Variants in NTM observed in about 807,000 individuals in gnomAD.
NTM encodes the protein IgLON family member 2.
In NTM, 13 loss-of-function variants were observed where a neutral mutation model predicts 42.1. The ratio of observed to expected loss-of-function variants is 0.31; its 90% confidence interval spans 0.20 to 0.49. The LOEUF (loss-of-function observed/expected upper bound fraction) is 0.49, where lower values mean the gene tolerates loss of function less well. NTM is among the 20% of genes least tolerant of loss of function. NTM has a pLI of 0.99. For missense variants in NTM, 373 were observed against 452.8 expected, an observed-to-expected ratio of 0.82 and a Z score of 1.60; for synonymous variants, 187 against 179.2, an observed-to-expected ratio of 1.04 and a Z score of -0.35.
At chr11:132,211,287 T>C (rs1433795031) in intron 3 of NTM, among the ~76,000 whole-genome samples, 1 of 152,134 alleles carries the variant, frequency 6.6e-6, no homozygotes, top group Non-Finnish European at 1.5e-5. Context: ...ATGCCTGCAG[T>C]CCCAGCTACT....
At chr11:132,083,260 AGCTTT>A (rs2059310705) in intron 2 of NTM, among the ~76,000 whole-genome samples, 1 of 152,264 alleles carries the variant, frequency 6.6e-6, no homozygotes, top group African/African-American at 2.4e-5. Flanking sequence ...ATCTATGATT[AGCTTT>A]GAAACAGAAT....
At chr11:131,531,121 A>G (rs982057664) in intron 1 of NTM, among the ~76,000 whole-genome samples, 9 of 152,244 alleles carry the variant, frequency 5.9e-5, no homozygotes, top group South Asian at 4.1e-4. Context: ...CCAAGGCTCC[A>G]CTGCCAGACC....
At chr11:132,256,958 T>C (rs1400868177) in intron 4 of NTM, among the ~76,000 whole-genome samples, 1 of 152,180 alleles carries the variant, frequency 6.6e-6, no homozygotes, top group Non-Finnish European at 1.5e-5. Flanking sequence ...CAGCAAATTA[T>C]TTAAACACTA....
At chr11:131,847,939 G>C (rs1046340347) in intron 1 of NTM, among the ~76,000 whole-genome samples, 1 of 152,054 alleles carries the variant, frequency 6.6e-6, no homozygotes, top group African/African-American at 2.4e-5. Flanking sequence ...AATGTATTCT[G>C]TTTGTATGTC....
intron 1 of NTM, among the ~76,000 whole-genome samples, chr11:131,412,344 T>C (rs973411386): frequency 1.3e-5 from 2 of 152,130 alleles, no homozygotes; most frequent in African/African-American, 4.8e-5. Context: ...GGCATTTCAG[T>C]TCCATGGAAA....
intron 2 of NTM, among the ~76,000 whole-genome samples, chr11:132,069,013 C>T (rs2056945998): frequency 6.6e-6 from 1 of 152,272 alleles, no homozygotes. Flanking sequence ...GATTGACTAA[C>T]TGGGCATTGC....
intron 6 of NTM, among the ~76,000 whole-genome samples, chr11:132,311,322 C>G (rs2136103931): frequency 6.6e-6 from 1 of 152,124 alleles, no homozygotes; most frequent in Middle Eastern, 3.4e-3. Flanking sequence ...ATAATCCTCC[C>G]AAATGAAAAG....
intron 1 of NTM, among the ~76,000 whole-genome samples, chr11:131,723,459 G>A (rs549194875): frequency 6.6e-6 from 1 of 152,296 alleles, no homozygotes; most frequent in Admixed American, 6.5e-5. Flanking sequence ...TGTTAAACAC[G>A]TAGCAAATAA....
At chr11:131,556,513 C>G (rs771280236) in intron 1 of NTM, among the ~76,000 whole-genome samples, 6 of 151,764 alleles carry the variant, frequency 4.0e-5, no homozygotes, top group Non-Finnish European at 7.4e-5. Flanking sequence ...TTCTGTGCCT[C>G]AGTATTCTGC....
intron 1 of NTM, among the ~76,000 whole-genome samples, chr11:131,549,973 G>A (rs112297421): frequency 0.029 from 4,359 of 152,188 alleles, 205 homozygotes; most frequent in African/African-American, 0.099. Flanking sequence ...TGCATTTCAC[G>A]TCCTGCAGGG....
chr11:131,890,868 A>T (rs2051220080), intron 1 of NTM, among the ~76,000 whole-genome samples: 1 of 152,180 alleles, frequency 6.6e-6, no homozygotes, highest in South Asian at 2.1e-4. Context: ...TGACAGTGGG[A>T]TGGCAGGTCT....
At chr11:131,502,020 A>C (rs2046896991) in intron 1 of NTM, among the ~76,000 whole-genome samples, 1 of 152,126 alleles carries the variant, frequency 6.6e-6, no homozygotes, top group South Asian at 2.1e-4. Flanking sequence ...TTTGGAGTTC[A>C]AGGGAATGGT....
chr11:131,406,366 G>T, intron 1 of NTM, among the ~76,000 whole-genome samples: 1 of 152,032 alleles, frequency 6.6e-6, no homozygotes, highest in East Asian at 1.9e-4. Context: ...TAATTTAGTG[G>T]CCATATTAAA....
chr11:131,525,764 G>T (rs564546302), intron 1 of NTM, among the ~76,000 whole-genome samples: 8 of 152,134 alleles, frequency 5.3e-5, no homozygotes, highest in Non-Finnish European at 1.2e-4. Context: ...CTTTGGCAAG[G>T]TAATTAATCT....
intron 1 of NTM, among the ~76,000 whole-genome samples, chr11:131,528,734 A>G (rs1415696090): frequency 6.6e-6 from 1 of 152,162 alleles, no homozygotes; most frequent in Admixed American, 6.5e-5. Flanking sequence ...GTATTTAATA[A>G]ATGCATGCTA....
intron 2 of NTM, among the ~76,000 whole-genome samples, chr11:131,959,948 A>G (rs1274326424): frequency 2.0e-5 from 3 of 152,226 alleles, no homozygotes; most frequent in Non-Finnish European, 4.4e-5. Context: ...GCATGAATGC[A>G]GGTACAACAG....
intron 4 of NTM, among the ~76,000 whole-genome samples, chr11:132,233,426 T>G (rs1425978160): frequency 2.6e-5 from 4 of 152,178 alleles, no homozygotes; most frequent in Non-Finnish European, 5.9e-5. Flanking sequence ...CAGTGTTGAC[T>G]CTTATTGTCT....
rs557450355 is a variant in NTM, at chr11:131,381,237, T to G, written c.82+10349T>G. ...AAATGACTGGATGAATTCATCTAGT[T>G]GGAGAAGGTGAAGTGGTCCAGTGTT... On this transcript the variant is annotated intron_variant, in intron 1 of 8. Coordinates refer to ENST00000683400, the MANE Select transcript of NTM (RefSeq NM_001352005.2). Among the ~76,000 whole-genome samples the G allele has an allele frequency of 1.1e-4, 16 of 152,278 alleles. 1 individual carries two copies. The South Asian group carries it at 3.3e-3, about 32-fold the overall frequency.
At chr11:131,816,745 A>C (rs1032317455) in intron 1 of NTM, among the ~76,000 whole-genome samples, 48 of 152,008 alleles carry the variant, frequency 3.2e-4, no homozygotes, top group African/African-American at 1.2e-3. Flanking sequence ...CTTTCCTAGG[A>C]GCCCTATTCA....
Sources: allele counts gnomAD v4.1 joint callset (sites outside exome capture counted in the v4.1 genomes callset), GRCh38; gene constraint gnomAD v4.1.1; transcripts MANE v1.5; gene names NCBI Gene and HGNC (gene_info 2026-07-23, HGNC 2026-07-21).